The following CWC27 variants were observed in gnomAD, a reference collection of about 807,000 sequenced individuals.
The protein encoded by CWC27 is CWC27 spliceosome associated cyclophilin.
In CWC27, 47 loss-of-function variants were observed where a neutral mutation model predicts 63.6. That is an observed-to-expected ratio of 0.74 (90% CI 0.58 to 0.94). The LOEUF (loss-of-function observed/expected upper bound fraction) is 0.94. Among genes scored for constraint, CWC27 ranks in the 40% least tolerant of loss-of-function variants. The probability of loss-of-function intolerance (pLI) is 0.00; values close to 1 mark genes in which losing one functional copy is unlikely to be tolerated. For synonymous variants in CWC27, 175 were observed against 179.8 expected, an observed-to-expected ratio of 0.97 and a Z score of 0.22; for missense variants, 495 against 554.3, an observed-to-expected ratio of 0.89 and a Z score of 1.07.
At chr5:64,848,128 G>T (rs962579674) in intron 10 of CWC27, among the ~76,000 whole-genome samples, 6 of 151,994 alleles carry the variant, frequency 3.9e-5, no homozygotes, top group Non-Finnish European at 8.8e-5. Context: ...TAACTTAAGA[G>T]AAAAGGAGAG....
At chr5:64,883,798 A>C (rs1747002088) in intron 10 of CWC27, among the ~76,000 whole-genome samples, 1 of 152,214 alleles carries the variant, frequency 6.6e-6, no homozygotes, top group African/African-American at 2.4e-5. Flanking sequence ...TGAAGATAAT[A>C]ATCACTTGAT....
chr5:64,988,767 C>A (rs1032690871), intron 13 of CWC27, among the ~76,000 whole-genome samples: 3 of 152,032 alleles, frequency 2.0e-5, no homozygotes, highest in Non-Finnish European at 4.4e-5. Flanking sequence ...CCGCATGTGG[C>A]TAATTTTGTA....
intron 10 of CWC27, among the ~76,000 whole-genome samples, chr5:64,820,750 C>T (rs1745174750): frequency 6.6e-6 from 1 of 152,026 alleles, no homozygotes; most frequent in Non-Finnish European, 1.5e-5. Flanking sequence ...AATCTTGATA[C>T]ATACCTTATA....
intron 11 of CWC27, among the ~76,000 whole-genome samples, chr5:64,916,471 A>C (rs1747889030): frequency 6.6e-6 from 1 of 152,184 alleles, no homozygotes; most frequent in African/African-American, 2.4e-5. Context: ...TGGGATACTT[A>C]GGTAACACAC....
intron 10 of CWC27, among the ~76,000 whole-genome samples, chr5:64,876,537 C>T (rs1027507358): frequency 6.6e-6 from 1 of 152,078 alleles, no homozygotes; most frequent in Non-Finnish European, 1.5e-5. Context: ...AACAAGGCCT[C>T]TAAGCAAGTT....
At chr5:64,991,183 G>C (rs944706852) in intron 13 of CWC27, among the ~76,000 whole-genome samples, 1 of 152,198 alleles carries the variant, frequency 6.6e-6, no homozygotes, top group Non-Finnish European at 1.5e-5. Flanking sequence ...TGCTGATGTG[G>C]TTTAATCCTT....
At chr5:64,800,528 C>T (rs977481124) in intron 8 of CWC27, among the ~76,000 whole-genome samples, 5 of 152,208 alleles carry the variant, frequency 3.3e-5, no homozygotes, top group African/African-American at 7.2e-5. Context: ...TTCGCACTTG[C>T]TCTCTACCTC....
chr5:65,004,861 C>CATGTAT (rs1749800146), intron 13 of CWC27, among the ~76,000 whole-genome samples: 4 of 45,472 alleles, frequency 8.8e-5, no homozygotes, highest in Non-Finnish European at 1.6e-4. Flanking sequence ...AAGACTTTTT[C>CATGTAT]ATATATATAT....
rs769184035 is a variant in CWC27 at position 64,785,473 on chromosome 5, T to C, written c.397-8T>C. On this transcript the variant is annotated splice_region_variant and splice_polypyrimidine_tract_variant and intron_variant, in intron 4 of 13. Coordinates refer to ENST00000381070, the MANE Select transcript of CWC27 (RefSeq NM_005869.4). ...ATTTTCAATTACATTATATTTTTAA[T>C]TTGATAGGTTACAGGGGATACAGTA... The C allele has an allele frequency of 1.6e-6, 2 of 1,284,120 alleles. No individual in the cohort carries two copies. Among genetic ancestry groups the C allele is most frequent in the Non-Finnish European group, 2.0e-6 (2 of 984,640 alleles). 79.5% of individuals were successfully genotyped at this position (1,284,120 alleles called of 1,614,324 possible).
At chr5:64,908,234 A>T (rs1348477905) in intron 11 of CWC27, among the ~76,000 whole-genome samples, 1 of 152,206 alleles carries the variant, frequency 6.6e-6, no homozygotes, top group African/African-American at 2.4e-5. Flanking sequence ...ATTTGATTGC[A>T]CTGTGGTCTG....
At chr5:64,917,403 T>C (rs975427796) in intron 11 of CWC27, among the ~76,000 whole-genome samples, 1 of 152,128 alleles carries the variant, frequency 6.6e-6, no homozygotes, top group African/African-American at 2.4e-5. Context: ...TTCAGGAAAA[T>C]TGAATTATGT....
intron 10 of CWC27, among the ~76,000 whole-genome samples, chr5:64,875,891 T>A (rs1746781717): frequency 6.6e-6 from 1 of 152,114 alleles, no homozygotes; most frequent in African/African-American, 2.4e-5. Flanking sequence ...AAATTTCTGT[T>A]TAGTACTATC....
At chr5:65,004,487 G>T (rs1176020938) in intron 13 of CWC27, among the ~76,000 whole-genome samples, 2 of 146,680 alleles carry the variant, frequency 1.4e-5, no homozygotes, top group Non-Finnish European at 3.0e-5. Context: ...TATTGTTGAA[G>T]CTCTCAGTTT....
At chr5:64,774,859 C>T (rs1413789181) in intron 2 of CWC27, 72 bp downstream of exon 2, 2 of 856,920 alleles carry the variant, frequency 2.3e-6, no homozygotes, top group Non-Finnish European at 3.8e-6. Context: ...TGCTTCACAA[C>T]ATTGAAGACT....
intron 11 of CWC27, among the ~76,000 whole-genome samples, chr5:64,968,232 T>C (rs1749059887): frequency 6.6e-6 from 1 of 152,060 alleles, no homozygotes; most frequent in Non-Finnish European, 1.5e-5. Flanking sequence ...ACAATACCGA[T>C]ATATTTGGAG....
At chr5:64,934,555 G>C (rs1463666169) in intron 11 of CWC27, among the ~76,000 whole-genome samples, 3 of 152,152 alleles carry the variant, frequency 2.0e-5, no homozygotes, top group Admixed American at 1.3e-4. Flanking sequence ...TAGTGCTGCA[G>C]TAAACATAGG....
intron 10 of CWC27, among the ~76,000 whole-genome samples, chr5:64,864,933 A>G (rs1220102823): frequency 6.6e-6 from 1 of 152,128 alleles, no homozygotes; most frequent in African/African-American, 2.4e-5. Flanking sequence ...TGACATATAC[A>G]ATGCATTATT....
chr5:64,920,286 G>A (rs753159347), intron 11 of CWC27, among the ~76,000 whole-genome samples: 9 of 152,072 alleles, frequency 5.9e-5, no homozygotes, highest in East Asian at 1.9e-4. Flanking sequence ...ATTGGCTTAC[G>A]TATATTGAAC....
chr5:65,010,942 G>T (rs1364462417), intron 13 of CWC27, among the ~76,000 whole-genome samples: 1 of 152,166 alleles, frequency 6.6e-6, no homozygotes, highest in Non-Finnish European at 1.5e-5. Flanking sequence ...TCTAGTCAAA[G>T]GTTTTGGAGG....
Sources: allele counts gnomAD v4.1 joint callset (sites outside exome capture counted in the v4.1 genomes callset), GRCh38; gene constraint gnomAD v4.1.1; transcripts MANE v1.5; gene names NCBI Gene and HGNC (gene_info 2026-07-23, HGNC 2026-07-21).